Variants in RBM17 observed in about 807,000 individuals in gnomAD.
RBM17 encodes splicing factor 45.
A neutral mutation model predicts 53.2 loss-of-function variants in RBM17; 7 were observed. The ratio of observed to expected loss-of-function variants is 0.13; its 90% confidence interval spans 0.07 to 0.25. RBM17 has a LOEUF of 0.25. Among genes scored for constraint, RBM17 ranks in the 10% least tolerant of loss-of-function variants. The pLI, the probability that RBM17 is intolerant of heterozygous loss-of-function variation, is 1.00. For missense variants in RBM17, 257 were observed against 496.7 expected (o/e 0.52, Z 4.59); for synonymous variants, 167 against 178.1 (o/e 0.94, Z 0.50).
In RBM17 at chr10:6,091,597, T is replaced by C. The variant is rs568745604; in HGVS notation, c.-19+2404T>C. Among the ~76,000 whole-genome samples the C allele has an allele frequency of 1.4e-4, 21 of 152,342 alleles. No homozygotes were observed. The South Asian group carries it at 4.3e-3, about 32-fold the overall frequency. On this transcript the variant is annotated intron_variant, in intron 1 of 11. Transcript: ENST00000379888. ...TGCTTAAAAAGCAGATCTGCAGATC[T>C]CACTGTTTCATAATAATGTGATTTA... is the stretch of plus-strand genomic sequence containing the variant.
chr10:6,105,881 A>G (rs371685797), intron 4 of RBM17, among the ~76,000 whole-genome samples: 4 of 152,216 alleles, frequency 2.6e-5, no homozygotes, highest in East Asian at 1.9e-4. Flanking sequence ...GAAGAGGTCA[A>G]TGTCAAGGAA....
intron 4 of RBM17, 77 bp from the exon 5 acceptor site, chr10:6,106,064 C>G: frequency 1.0e-6 from 1 of 976,460 alleles, no homozygotes; most frequent in Non-Finnish European, 1.6e-6. Flanking sequence ...ATCTTCTGGT[C>G]AAGAGGAAGT....
At chr10:6,114,975 CGTCATCAGCTGGCACAGG>C (rs1840893503) in intron 10 of RBM17, 2 of 412,160 alleles carry the variant, frequency 4.9e-6, no homozygotes, top group Non-Finnish European at 8.6e-6. Flanking sequence ...TATTTGTTTA[CGTCATCAGCTGGCACAGG>C]GCCTTTATGA....
chr10:6,091,733 A>C (rs756654976), intron 1 of RBM17, among the ~76,000 whole-genome samples: 2 of 152,242 alleles, frequency 1.3e-5, no homozygotes, highest in African/African-American at 2.4e-5. Context: ...AAAGCTGAAC[A>C]TAAGAAACAC....
At chr10:6,092,507 C>G (rs1048123096) in intron 1 of RBM17, among the ~76,000 whole-genome samples, 3 of 151,944 alleles carry the variant, frequency 2.0e-5, no homozygotes, top group Non-Finnish European at 4.4e-5. Context: ...AAGAGGATTC[C>G]GGGGAAATTA....
At chr10:6,104,822 C>T (rs1840723172) in intron 3 of RBM17, 109 bp from the exon 4 acceptor site, 2 of 865,518 alleles carry the variant, frequency 2.3e-6, no homozygotes, top group Admixed American at 4.7e-5. Context: ...GAGGAAGGGG[C>T]TAGATGATGT....
chr10:6,112,436 C>T lies in RBM17; in HGVS notation c.856+75C>T. 1 of 1,552,460 alleles carries T rather than the reference C, an allele frequency of 6.4e-7. No homozygotes were observed. Among genetic ancestry groups the T allele is most frequent in the Non-Finnish European group, 8.8e-7 (1 of 1,132,806 alleles). Reference sequence around the variant, plus strand: ...CATATCAGACATGGCCAGTCTTGATCCTCATGTGTCAGCAGGGGGACAATG... The same window carrying T: ...CATATCAGACATGGCCAGTCTTGATTCTCATGTGTCAGCAGGGGGACAATG... On this transcript the variant is annotated intron_variant, in intron 8 of 11. Transcript: ENST00000379888. The surrounding 1 kb of genome is among the most constrained non-coding windows in gnomAD (Gnocchi z 4.4).
intron 2 of RBM17, among the ~76,000 whole-genome samples, chr10:6,098,574 T>G (rs991372295): frequency 9.0e-5 from 11 of 121,988 alleles, no homozygotes; most frequent in South Asian, 3.0e-4. Context: ...TTTTTTTTTT[T>G]TTTTTTTTTT....
intron 1 of RBM17, among the ~76,000 whole-genome samples, chr10:6,094,806 C>T (rs1244189952): frequency 1.3e-5 from 2 of 152,206 alleles, no homozygotes; most frequent in Admixed American, 1.3e-4. Flanking sequence ...CAGTGTTGTT[C>T]CTTCTGGCCA....
chr10:6,112,877 T>C lies in RBM17; in HGVS notation c.856+516T>C, dbSNP rs1840860916. ...TTGGTAAATGATGCCTAGTTGGTGTTTTATTTTCATTTAATTTTTACAGTC... is the reference window on the plus strand; with the variant it reads ...TTGGTAAATGATGCCTAGTTGGTGTCTTATTTTCATTTAATTTTTACAGTC... On this transcript the variant is annotated intron_variant, in intron 8 of 11. Transcript: ENST00000379888. The surrounding 1 kb of genome is among the most constrained non-coding windows in gnomAD (Gnocchi z 4.4). 1.2e-5 allele frequency: 2 copies of C among 173,254 alleles called. No individual in the cohort carries two copies. The highest frequency in any genetic ancestry group is 4.8e-5 in the African/African-American group (2 of 41,884). 10.7% of individuals were successfully genotyped at this position (173,254 alleles called of 1,614,324 possible).
At chr10:6,114,287 C>A in intron 10 of RBM17, 140 bp downstream of exon 10, 1 of 555,344 alleles carries the variant, frequency 1.8e-6, no homozygotes. Context: ...TTGTACTTCT[C>A]TTGCTCAATT....
intron 9 of RBM17, 33 bp from the exon 10 acceptor site, chr10:6,114,016 G>T (rs185415826): frequency 7.2e-7 from 1 of 1,383,960 alleles, no homozygotes; most frequent in Admixed American, 1.7e-5. Flanking sequence ...AGTTATACTT[G>T]GTACTTGAAT....
rs1342662409 is a variant in RBM17, at chr10:6,116,389, T to C, written c.*833T>C. The C allele has an allele frequency of 2.6e-5, 4 of 152,384 alleles. No individual in the cohort carries two copies. Among genetic ancestry groups the C allele is most frequent in the African/African-American group, 9.6e-5 (4 of 41,460 alleles). 9.4% of individuals were successfully genotyped at this position (152,384 alleles called of 1,614,324 possible). ...TGGCAAAATTTGCAATAGTGTTCTATTGTATGTAATTTTAAAATTTATAAG... is the reference window on the plus strand; with the variant it reads ...TGGCAAAATTTGCAATAGTGTTCTACTGTATGTAATTTTAAAATTTATAAG... On this transcript the variant is annotated 3_prime_UTR_variant, in exon 12 of 12. Transcript: ENST00000379888.
Position 6,116,671 on chromosome 10 carries a change from C to T in RBM17, c.*1115C>T, listed in dbSNP as rs969028138. 39 of 152,292 alleles carry T rather than the reference C, an allele frequency of 2.6e-4. 1 individual carries two copies. The highest frequency in any genetic ancestry group is 2.2e-3 in the Admixed American group (34 of 15,268). The allele number at this position is 152,292 out of a possible 1,614,324, so 9.4% of individuals were successfully genotyped here. A position where few individuals can be genotyped will look rare whatever the true frequency, so the allele number is the denominator to read the frequency against. On this transcript the variant is annotated 3_prime_UTR_variant, in exon 12 of 12. Transcript: ENST00000379888. The stretch of plus-strand genomic sequence containing the variant: ...AAGCGGCAGCTGAAAGACTCGAGCC[C>T]GTGCTGTCTCCTTTGGTTATTATGA...
At position 6,106,572 on chromosome 10, in the gene RBM17, C is replaced by G. The variant is rs41295159; in HGVS notation, c.505+334C>G. Among the ~76,000 whole-genome samples, 1,188 of 152,290 alleles carry G rather than the reference C, an allele frequency of 7.8e-3. 22 individuals are homozygous for G. In the South Asian group the frequency reaches 0.084, roughly 11 times the overall value. ...TCTGTTGTTTCTCTTAGGGGGGAAG[C>G]ATAGTTAACATTGAGTGTGTCTGTT... On this transcript the variant is annotated intron_variant, in intron 5 of 11. Coordinates refer to ENST00000379888, the MANE Select transcript of RBM17 (RefSeq NM_032905.5).
At chr10:6,113,264 T>C (rs957161530) in intron 8 of RBM17, 1 of 355,904 alleles carries the variant, frequency 2.8e-6, no homozygotes, top group Admixed American at 4.4e-5. Flanking sequence ...AAATTGCAAG[T>C]AATGGTGGAG....
In RBM17 at chr10:6,108,984, T is replaced by C. The variant is rs1487587587; in HGVS notation, c.562+242T>C. On this transcript the variant is annotated intron_variant, in intron 6 of 11. Coordinates refer to ENST00000379888, the MANE Select transcript of RBM17 (RefSeq NM_032905.5). ...TGCAGTGGGATCCATCTCTTTTTTA[T>C]GCAATTCACTTTGATTTCATTAACA... is the stretch of plus-strand genomic sequence containing the variant. Among the ~76,000 whole-genome samples the C allele has an allele frequency of 4.6e-5, 7 of 152,254 alleles. No homozygotes were observed. The East Asian group carries it at 1.3e-3, about 29-fold the overall frequency.
At chr10:6,113,999 G>A in intron 9 of RBM17, 50 bp from the exon 10 acceptor site, 1 of 1,199,860 alleles carries the variant, frequency 8.3e-7, no homozygotes, top group Non-Finnish European at 1.2e-6. Flanking sequence ...TCTGCTAGGT[G>A]TTTGTAAGTT....
At position 6,089,704 on chromosome 10, in the gene RBM17, C is replaced by T. The variant is rs530527524; in HGVS notation, c.-19+511C>T. 4 of 152,524 alleles carry T rather than the reference C, an allele frequency of 2.6e-5. No individual in the cohort carries two copies. The highest frequency in any genetic ancestry group is 9.6e-5 in the African/African-American group (4 of 41,580). 9.4% of individuals were successfully genotyped at this position (152,524 alleles called of 1,614,324 possible). On this transcript the variant is annotated intron_variant, in intron 1 of 11. Transcript: ENST00000379888. This position sits in a 1 kb window ranked among gnomAD's most constrained non-coding sequence, Gnocchi z 5.6. Reference sequence around the variant, plus strand: ...GCCCGGGACAGGAATGCAGCCCTAACCCCGGCGTCGCCTCGGCTCGTGCAG... The same window carrying T: ...GCCCGGGACAGGAATGCAGCCCTAATCCCGGCGTCGCCTCGGCTCGTGCAG...
Sources: allele counts gnomAD v4.1 joint callset (sites outside exome capture counted in the v4.1 genomes callset), GRCh38; gene constraint gnomAD v4.1.1; non-coding constraint Gnocchi (gnomAD v3.1); transcripts MANE v1.5; gene names NCBI Gene and HGNC (gene_info 2026-07-23, HGNC 2026-07-21).